BOP1: variants seen among roughly 807,000 people sequenced by gnomAD.
The protein encoded by BOP1 is ribosome biogenesis protein BOP1.
A neutral mutation model predicts 82.9 loss-of-function variants in BOP1; 54 were observed. The observed-to-expected ratio is 0.65, with a 90% confidence interval of 0.52 to 0.82. The LOEUF (loss-of-function observed/expected upper bound fraction) is 0.82. Ranked by LOEUF, BOP1 falls within the 40% of genes least tolerant of loss-of-function variation. The probability of loss-of-function intolerance (pLI) is 0.00; values close to 1 mark genes in which losing one functional copy is unlikely to be tolerated. For synonymous variants in BOP1, 566 were observed against 451.1 expected (o/e 1.25, Z -3.23); for missense variants, 1,170 against 1,072.0 (o/e 1.09, Z -1.28).
chr8:144,263,819 G>A lies in BOP1; in HGVS notation c.1221+12C>T. On this transcript the variant is annotated intron_variant, in intron 9 of 15. Coordinates refer to ENST00000569669, the MANE Select transcript of BOP1 (RefSeq NM_015201.5). ...GGGAGGGTGCAACCCCAGCCCCCTA[G>A]TCTCCACTTACCAGGGCCTGGCACG... 1 of 1,610,630 alleles carries A rather than the reference G, an allele frequency of 6.2e-7. No homozygotes were observed. The highest frequency in any genetic ancestry group is 8.5e-7 in the Non-Finnish European group (1 of 1,179,508).
At chr8:144,265,336 C>T (rs980691411) in intron 3 of BOP1, 2 of 575,704 alleles carry the variant, frequency 3.5e-6, no homozygotes, top group African/African-American at 3.7e-5. Flanking sequence ...CCCCAGAGCT[C>T]CCCCCTCACT....
At chr8:144,280,635 T>C (rs1219456367) in intron 2 of BOP1, among the ~76,000 whole-genome samples, 2 of 152,176 alleles carry the variant, frequency 1.3e-5, no homozygotes, top group Non-Finnish European at 2.9e-5. Context: ...GGCGGATCAG[T>C]TGAGGTTAAG....
intron 2 of BOP1, among the ~76,000 whole-genome samples, chr8:144,277,832 C>T (rs1391352692): frequency 3.6e-5 from 2 of 55,858 alleles, no homozygotes; most frequent in Non-Finnish European, 6.0e-5. Flanking sequence ...GCAGGGGCGG[C>T]CACTGCTGGG....
At chr8:144,268,099 T>C (rs1159462283) in intron 3 of BOP1, 11 of 1,550,772 alleles carry the variant, frequency 7.1e-6, no homozygotes, top group Non-Finnish European at 9.6e-6. Context: ...CCCTCCCCTC[T>C]GCAGAGCAAG....
Position 144,291,156 on chromosome 8 carries a change from A to G in BOP1, c.99+116T>C, listed in dbSNP as rs1815058450. ...GGAGCTGCACCCACGCCCAAGACCG[A>G]TTCACTGGGCGCGGGCGCCCAGGTG... On this transcript the variant is annotated intron_variant, in intron 1 of 15. Transcript: ENST00000569669. This position sits in a 1 kb window ranked among gnomAD's most constrained non-coding sequence, Gnocchi z 4.1. 2.4e-6 allele frequency: 2 copies of G among 836,160 alleles called. No homozygotes were observed. Among genetic ancestry groups the G allele is most frequent in the South Asian group, 5.1e-5 (2 of 39,176 alleles). The allele number at this position is 836,160 out of a possible 1,614,324, so 51.8% of individuals were successfully genotyped here.
Position 144,291,145 on chromosome 8 carries a change from G to T in BOP1, c.99+127C>A. ...CCCCCGATAGAGGAGCTGCACCCAC[G>T]CCCAAGACCGATTCACTGGGCGCGG... is the stretch of plus-strand genomic sequence containing the variant. On this transcript the variant is annotated intron_variant, in intron 1 of 15. Transcript: ENST00000569669. The surrounding 1 kb of genome is among the most constrained non-coding windows in gnomAD (Gnocchi z 4.1). 4 of 681,756 alleles carry T rather than the reference G, an allele frequency of 5.9e-6. No homozygotes were observed. Among genetic ancestry groups the T allele is most frequent in the Non-Finnish European group, 8.0e-6 (4 of 501,384 alleles). The allele number at this position is 681,756 out of a possible 1,614,324, so 42.2% of individuals were successfully genotyped here.
Position 144,264,299 on chromosome 8 carries a change from C to A in BOP1, c.904G>T (p.Ala302Ser). 1 of 1,611,002 alleles carries A rather than the reference C, an allele frequency of 6.2e-7. No individual in the cohort carries two copies. The highest frequency in any genetic ancestry group is 8.5e-7 in the Non-Finnish European group (1 of 1,179,586). ...VLGRHKMHVP[A>S]PKLALPGHAE... ...TGGCCTGGCAGGGCCAGCTTGGGAG[C>A]AGGTACGTGCATCTTGTGGCGCCCG... The change falls in exon 7 of 16, where the codon GCT (alanine) becomes TCT (serine). Residue 302 changes from alanine to serine, a missense_variant. By Grantham distance (99) the Ala-to-Ser change is moderately conservative. Transcript: ENST00000569669.
intron 3 of BOP1, among the ~76,000 whole-genome samples, chr8:144,271,989 C>T (rs1845499701): frequency 6.6e-6 from 1 of 152,178 alleles, no homozygotes; most frequent in Non-Finnish European, 1.5e-5. Context: ...AGAGAAGCCA[C>T]TACCGACCCA....
intron 3 of BOP1, chr8:144,267,987 C>T: frequency 3.4e-6 from 5 of 1,463,526 alleles, no homozygotes; most frequent in South Asian, 1.2e-5. Context: ...TGGGGAGAGC[C>T]GGGAAGGAGG....
At chr8:144,268,280 A>C in intron 3 of BOP1, 1 of 1,290,106 alleles carries the variant, frequency 7.8e-7, no homozygotes, top group South Asian at 1.4e-5. Context: ...CCTGGCTGCG[A>C]GCGGGGCCGA....
intron 3 of BOP1, among the ~76,000 whole-genome samples, chr8:144,275,123 C>T (rs995350611): frequency 1.3e-5 from 2 of 152,058 alleles, no homozygotes; most frequent in Admixed American, 6.5e-5. Flanking sequence ...GAGGGGGGCG[C>T]GTGTCTCCCC....
intron 14 of BOP1, 39 bp downstream of exon 14, chr8:144,262,549 G>A: frequency 1.9e-6 from 3 of 1,612,946 alleles, no homozygotes; most frequent in South Asian, 1.1e-5. Context: ...GCTGAAGGGA[G>A]GGGCTCTGCT....
intron 3 of BOP1, chr8:144,268,369 T>A: frequency 1.7e-6 from 1 of 604,694 alleles, no homozygotes; most frequent in Non-Finnish European, 2.9e-6. Flanking sequence ...CCACTGGAAC[T>A]TTCTGCGCTG....
Position 144,262,480 on chromosome 8 carries a change from G to A in BOP1, c.2003C>T (p.Ala668Val). 6.2e-7 allele frequency: 1 copy of A among 1,612,702 alleles called. No individual in the cohort carries two copies. The highest frequency in any genetic ancestry group is 1.1e-5 in the South Asian group (1 of 91,064). Residue 668 changes from alanine (A) to valine (V), a missense_variant, in exon 15 of 16, where the codon GCT becomes GTT. By Grantham distance (64) the Ala-to-Val change is moderately conservative. Coordinates refer to ENST00000569669, the MANE Select transcript of BOP1 (RefSeq NM_015201.5). ...TGGGTACCGCGGGTGGAAGGCCACA[G>A]CCCGCAGAGCCTTCTTGTGGTGTCT... ...MLRHHKKALR[A>V]VAFHPRYPLF...
At position 144,262,980 on chromosome 8, in the gene BOP1, AGG is replaced by A; in HGVS notation, c.1765_1766del (p.Pro589CysfsTer44). The stretch of plus-strand genomic sequence containing the variant: ...ACGCCACCAACAGGAAGGGCCGGGC[AGG>A]GTGGAAGGCCACTCGCTGCACCTGT... ...HGQVQRVAFHPARPFLLVASQ... is the reference protein window; with the variant it reads ...HGQVQRVAFHXARPFLLVASQ... On this transcript the variant is annotated frameshift_variant, in exon 13 of 16. Transcript: ENST00000569669. LOFTEE classifies it high-confidence loss of function. 6.4e-7 allele frequency: 1 copy of A among 1,552,172 alleles called. No homozygotes were observed. Among genetic ancestry groups the A allele is most frequent in the Non-Finnish European group, 8.7e-7 (1 of 1,156,008 alleles).
rs1845321152 is a variant in BOP1, at chr8:144,264,940, G to C, written c.522C>G (p.Asp174Glu). 1.9e-5 allele frequency: 31 copies of C among 1,609,352 alleles called. No homozygotes were observed. The highest frequency in any genetic ancestry group is 2.5e-5 in the Non-Finnish European group (29 of 1,178,734). The change falls in exon 4 of 16, where the codon GAC (aspartate) becomes GAG (glutamate). Residue 174 changes from aspartate to glutamate, a missense_variant. Physicochemically the swap from Asp to Glu is conservative, Grantham distance 45. Transcript: ENST00000569669. ...ACCAGTAGTCAGGATCGTCCATCTT[G>C]TCCAGGAACTGGTCCAGCTCATCCC... ...RTRDELDQFL[D>E]KMDDPDYWRT...
intron 3 of BOP1, among the ~76,000 whole-genome samples, chr8:144,274,142 CCA>C (rs1393457091): frequency 6.6e-6 from 1 of 152,136 alleles, no homozygotes; most frequent in Non-Finnish European, 1.5e-5. Context: ...AGCATCACAG[CCA>C]CTGCCACCCA....
chr8:144,282,136 G>T (rs997195446), intron 2 of BOP1, among the ~76,000 whole-genome samples: 1 of 152,228 alleles, frequency 6.6e-6, no homozygotes, highest in South Asian at 2.1e-4. Flanking sequence ...CCGCGCTGCC[G>T]TGTGCTGCTG....
intron 3 of BOP1, among the ~76,000 whole-genome samples, chr8:144,268,996 C>A (rs1038891839): frequency 6.6e-6 from 1 of 152,180 alleles, no homozygotes; most frequent in African/African-American, 2.4e-5. Context: ...CCTCCACGAG[C>A]CTTGACTGGA....
Sources: gnomAD v4.1 joint callset for allele counts (sites outside exome capture counted in the v4.1 genomes callset) on GRCh38, gnomAD v4.1.1 for gene constraint, Gnocchi (gnomAD v3.1) non-coding constraint, MANE v1.5 for transcripts, NCBI Gene and HGNC (gene_info 2026-07-23, HGNC 2026-07-21) for gene names.